The following MARCHF11 variants were observed in gnomAD, a reference collection of about 807,000 sequenced individuals.
The protein encoded by MARCHF11 is membrane associated ring-CH-type finger 11.
A neutral mutation model predicts 37.3 loss-of-function variants in MARCHF11; 29 were observed. That is an observed-to-expected ratio of 0.78 (90% CI 0.58 to 1.06). The LOEUF is 1.06. Among genes scored for constraint, MARCHF11 ranks in the 50% least tolerant of loss-of-function variants. MARCHF11 has a pLI of 0.00. For missense variants in MARCHF11, 482 were observed against 533.4 expected, an observed-to-expected ratio of 0.90 and a Z score of 0.95; for synonymous variants, 233 against 228.0, an observed-to-expected ratio of 1.02 and a Z score of -0.20.
At chr5:16,113,862 C>T (rs1200652176) in intron 2 of MARCHF11, among the ~76,000 whole-genome samples, 1 of 152,126 alleles carries the variant, frequency 6.6e-6, no homozygotes, top group Non-Finnish European at 1.5e-5. Flanking sequence ...TGCTATTGAA[C>T]ACTAGATCTT....
Position 16,163,789 on chromosome 5 carries a change from C to T in MARCHF11, c.693+13937G>A, listed in dbSNP as rs569165175. Among the ~76,000 whole-genome samples, 18 of 152,092 alleles carry T rather than the reference C, an allele frequency of 1.2e-4. 1 individual carries two copies. In the South Asian group the frequency reaches 2.7e-3, roughly 23 times the overall value. On this transcript the variant is annotated intron_variant, in intron 2 of 3. Transcript: ENST00000332432. ...AATCATCAATGTGATACTATTAAGACGTGGAGCTTTAAGAGGTAATTAAGT... is the reference window on the plus strand; with the variant it reads ...AATCATCAATGTGATACTATTAAGATGTGGAGCTTTAAGAGGTAATTAAGT...
At chr5:16,095,971 A>C (rs1314945976) in intron 2 of MARCHF11, among the ~76,000 whole-genome samples, 1 of 152,208 alleles carries the variant, frequency 6.6e-6, no homozygotes, top group Non-Finnish European at 1.5e-5. Context: ...CATTCTCTGC[A>C]TCCATCCCAT....
chr5:16,122,636 T>A (rs2126578117), intron 2 of MARCHF11, among the ~76,000 whole-genome samples: 1 of 152,320 alleles, frequency 6.6e-6, no homozygotes, highest in African/African-American at 2.4e-5. Flanking sequence ...CCTGTGGTTT[T>A]CCCTTCCTCG....
chr5:16,141,483 G>A (rs1179655812), intron 2 of MARCHF11: 1 of 152,158 alleles, frequency 6.6e-6, no homozygotes, highest in African/African-American at 2.4e-5. Flanking sequence ...GTGTCCACAA[G>A]AATGTGAAAG....
intron 3 of MARCHF11, among the ~76,000 whole-genome samples, 185 bp downstream of exon 3, chr5:16,090,704 C>T (rs1322491737): frequency 6.6e-6 from 1 of 151,538 alleles, no homozygotes; most frequent in Non-Finnish European, 1.5e-5. Context: ...TCAAACTACA[C>T]GGGAATATAG....
intron 2 of MARCHF11, among the ~76,000 whole-genome samples, chr5:16,121,722 AG>A (rs1486909136): frequency 6.6e-6 from 1 of 152,198 alleles, no homozygotes; most frequent in Admixed American, 6.5e-5. Context: ...GCAATGGCCC[AG>A]TGAACAGTCT....
intron 2 of MARCHF11, among the ~76,000 whole-genome samples, chr5:16,130,416 A>C (rs1246728323): frequency 6.6e-6 from 1 of 152,132 alleles, no homozygotes; most frequent in Non-Finnish European, 1.5e-5. Flanking sequence ...ATTGTGATTT[A>C]AAATGTGCTG....
At chr5:16,096,168 G>C (rs574176890) in intron 2 of MARCHF11, among the ~76,000 whole-genome samples, 17 of 152,078 alleles carry the variant, frequency 1.1e-4, no homozygotes, top group Non-Finnish European at 1.6e-4. Flanking sequence ...AAAACAACAC[G>C]GGCTCAGTCA....
At chr5:16,124,960 G>A (rs1737377299) in intron 2 of MARCHF11, among the ~76,000 whole-genome samples, 1 of 151,358 alleles carries the variant, frequency 6.6e-6, no homozygotes, top group South Asian at 2.1e-4. Flanking sequence ...TGATTAGATT[G>A]TCATTATTTT....
intron 2 of MARCHF11, among the ~76,000 whole-genome samples, chr5:16,166,924 T>C (rs1033149952): frequency 6.8e-6 from 1 of 147,528 alleles, no homozygotes; most frequent in African/African-American, 2.6e-5. Flanking sequence ...TGTGTACATA[T>C]GTGTGTATGT....
intron 2 of MARCHF11, among the ~76,000 whole-genome samples, chr5:16,133,609 T>TATG (rs1205685653): frequency 6.6e-6 from 1 of 152,050 alleles, no homozygotes; most frequent in Admixed American, 6.6e-5. Flanking sequence ...AAACAAAAAA[T>TATG]GTTACATGCA....
intron 3 of MARCHF11, among the ~76,000 whole-genome samples, chr5:16,081,613 C>T (rs748011565): frequency 2.0e-5 from 3 of 152,140 alleles, no homozygotes; most frequent in Non-Finnish European, 4.4e-5. Flanking sequence ...ACGGTAAATA[C>T]GCAATGAATA....
intron 3 of MARCHF11, among the ~76,000 whole-genome samples, chr5:16,075,826 G>C: frequency 6.6e-6 from 1 of 152,204 alleles, no homozygotes; most frequent in Admixed American, 6.5e-5. Context: ...TGGTCTTTGG[G>C]GGTAACGGTG....
At chr5:16,113,234 T>C (rs963495942) in intron 2 of MARCHF11, among the ~76,000 whole-genome samples, 1 of 152,226 alleles carries the variant, frequency 6.6e-6, no homozygotes, top group African/African-American at 2.4e-5. Context: ...ATACATTGGA[T>C]TGACAATATT....
At chr5:16,084,758 T>A (rs556985060) in intron 3 of MARCHF11, among the ~76,000 whole-genome samples, 10,052 of 137,800 alleles carry the variant, frequency 0.073, 1,016 homozygotes, top group African/African-American at 0.26. Flanking sequence ...AAGGAGCAGT[T>A]TTTTTTTTTT....
At chr5:16,117,340 C>T (rs746783004) in intron 2 of MARCHF11, among the ~76,000 whole-genome samples, 66 of 152,144 alleles carry the variant, frequency 4.3e-4, no homozygotes, top group Non-Finnish European at 3.2e-4. Context: ...TCTATCCATT[C>T]GGCATGTTTT....
intron 2 of MARCHF11, among the ~76,000 whole-genome samples, chr5:16,145,225 T>C (rs1274212909): frequency 1.3e-5 from 2 of 152,182 alleles, no homozygotes; most frequent in African/African-American, 2.4e-5. Context: ...GGTTTGAATG[T>C]GTCCCCCAAA....
chr5:16,176,822 T>G (rs900931016), intron 2 of MARCHF11, among the ~76,000 whole-genome samples: 1 of 152,134 alleles, frequency 6.6e-6, no homozygotes, highest in Non-Finnish European at 1.5e-5. Context: ...CTTTTCCCCC[T>G]CCCAACTTTG....
At chr5:16,148,389 C>T (rs1303259553) in intron 2 of MARCHF11, among the ~76,000 whole-genome samples, 1 of 152,066 alleles carries the variant, frequency 6.6e-6, no homozygotes, top group African/African-American at 2.4e-5. Context: ...CGTCTCTTTC[C>T]TTCTTTCCTC....
Sources: allele counts gnomAD v4.1 joint callset (sites outside exome capture counted in the v4.1 genomes callset), GRCh38; gene constraint gnomAD v4.1.1; transcripts MANE v1.5; gene names NCBI Gene and HGNC (gene_info 2026-07-23, HGNC 2026-07-21).